Variants in FGF12 observed in about 807,000 individuals in gnomAD.
FGF12 encodes the protein fibroblast growth factor 12.
Under a neutral mutation model 23.6 loss-of-function variants are expected in FGF12, and 14 were observed. The ratio of observed to expected loss-of-function variants is 0.59; its 90% CI spans 0.39 to 0.93. FGF12 has a LOEUF of 0.93. FGF12 is among the 40% of genes least tolerant of loss of function. FGF12 has a pLI of 0.00. For missense variants in FGF12, 175 were observed against 217.8 expected, an observed-to-expected ratio of 0.80 and a Z score of 1.24; for synonymous variants, 62 against 77.3, an observed-to-expected ratio of 0.80 and a Z score of 1.04.
intron 2 of FGF12, among the ~76,000 whole-genome samples, chr3:192,682,347 C>T (rs112848972): frequency 9.2e-5 from 14 of 152,050 alleles, no homozygotes; most frequent in African/African-American, 1.4e-4. Flanking sequence ...TGAAAATTTC[C>T]GTCCGGGTCC....
At chr3:192,634,857 G>T (rs1715521326) in intron 2 of FGF12, among the ~76,000 whole-genome samples, 1 of 151,974 alleles carries the variant, frequency 6.6e-6, no homozygotes, top group Non-Finnish European at 1.5e-5. Context: ...ATAGGGATGA[G>T]AATAATTTTT....
At chr3:192,340,167 C>G (rs1437208546) in intron 3 of FGF12, among the ~76,000 whole-genome samples, 3 of 152,052 alleles carry the variant, frequency 2.0e-5, no homozygotes, top group Non-Finnish European at 4.4e-5. Flanking sequence ...CCTACATCTT[C>G]ACACTGAAAT....
intron 4 of FGF12, among the ~76,000 whole-genome samples, chr3:192,243,603 T>C (rs1719734326): frequency 6.6e-6 from 1 of 150,386 alleles, no homozygotes; most frequent in African/African-American, 2.4e-5. Context: ...TTTTAAACAA[T>C]AAATTTACTT....
intron 4 of FGF12, among the ~76,000 whole-genome samples, chr3:192,289,105 T>TTA (rs1226001738): frequency 6.6e-6 from 1 of 152,108 alleles, no homozygotes; most frequent in East Asian, 1.9e-4. Flanking sequence ...AACCTGAAGG[T>TTA]TATATTTTAA....
At chr3:192,424,867 C>G (rs1032574591) in intron 2 of FGF12, among the ~76,000 whole-genome samples, 5 of 152,066 alleles carry the variant, frequency 3.3e-5, no homozygotes, top group Non-Finnish European at 7.4e-5. Context: ...CTTCACCAGT[C>G]TTCTTGCCTC....
chr3:192,475,450 T>C (rs1325833092), intron 2 of FGF12, among the ~76,000 whole-genome samples: 3 of 152,170 alleles, frequency 2.0e-5, no homozygotes, highest in Non-Finnish European at 4.4e-5. Flanking sequence ...TGAGAGAGCA[T>C]GATGCACAAG....
intron 2 of FGF12, among the ~76,000 whole-genome samples, chr3:192,439,921 A>G (rs1214455287): frequency 6.6e-6 from 1 of 150,964 alleles, no homozygotes; most frequent in Non-Finnish European, 1.5e-5. Context: ...GGCTGCAGTG[A>G]GCTGAGATCG....
At chr3:192,690,584 T>C (rs1318832420) in intron 2 of FGF12, among the ~76,000 whole-genome samples, 28 of 28,472 alleles carry the variant, frequency 9.8e-4, no homozygotes, top group Non-Finnish European at 1.8e-3. Flanking sequence ...ACCACAACAC[T>C]ACAAAAAAAA....
chr3:192,539,578 G>A (rs1277498848), intron 2 of FGF12, among the ~76,000 whole-genome samples: 1 of 152,108 alleles, frequency 6.6e-6, no homozygotes, highest in East Asian at 1.9e-4. Context: ...TTGCATCAAT[G>A]TTCAACAGGG....
At chr3:192,573,269 C>A (rs13086596) in intron 2 of FGF12, among the ~76,000 whole-genome samples, 10,456 of 151,870 alleles carry the variant, frequency 0.069, 428 homozygotes, top group East Asian at 0.15. Flanking sequence ...AGTCAATATA[C>A]CTGTGATGGT....
At chr3:192,540,860 CT>C (rs1386500967) in intron 2 of FGF12, among the ~76,000 whole-genome samples, 1 of 152,084 alleles carries the variant, frequency 6.6e-6, no homozygotes, top group Non-Finnish European at 1.5e-5. Context: ...CATCATTTTG[CT>C]GAATTGATTT....
intron 4 of FGF12, among the ~76,000 whole-genome samples, chr3:192,187,381 A>G (rs1716530907): frequency 6.6e-6 from 1 of 152,204 alleles, no homozygotes; most frequent in African/African-American, 2.4e-5. Flanking sequence ...CAACTTCCAC[A>G]TATATTTTTA....
At chr3:192,505,190 A>G (rs1458638385) in intron 2 of FGF12, among the ~76,000 whole-genome samples, 2 of 152,154 alleles carry the variant, frequency 1.3e-5, no homozygotes, top group East Asian at 3.9e-4. Flanking sequence ...AAAAGAAACA[A>G]AAATGATTCA....
chr3:192,469,994 A>G (rs1723125026), intron 2 of FGF12, among the ~76,000 whole-genome samples: 1 of 152,206 alleles, frequency 6.6e-6, no homozygotes, highest in South Asian at 2.1e-4. Flanking sequence ...AACTGGATAT[A>G]AAGGGAAAGA....
chr3:192,458,357 C>T (rs1722744015), intron 2 of FGF12, among the ~76,000 whole-genome samples: 1 of 152,144 alleles, frequency 6.6e-6, no homozygotes, highest in African/African-American at 2.4e-5. Flanking sequence ...CAATGCCAGC[C>T]CATGAAAGCA....
At chr3:192,471,822 T>C (rs1476073823) in intron 2 of FGF12, among the ~76,000 whole-genome samples, 1 of 152,198 alleles carries the variant, frequency 6.6e-6, no homozygotes, top group Non-Finnish European at 1.5e-5. Flanking sequence ...TTCATATAGA[T>C]AGAATACAGT....
chr3:192,252,509 G>C (rs1167384533), intron 4 of FGF12, among the ~76,000 whole-genome samples: 8 of 106,320 alleles, frequency 7.5e-5, no homozygotes, highest in Non-Finnish European at 4.0e-5. Context: ...GAGAAGAGAA[G>C]ACAAGAGAAG....
chr3:192,367,890 G>A (rs777732097), intron 2 of FGF12, among the ~76,000 whole-genome samples: 1 of 152,108 alleles, frequency 6.6e-6, no homozygotes, highest in South Asian at 2.1e-4. Flanking sequence ...CAGCTACCTT[G>A]CTGAGGGCCG....
intron 2 of FGF12, among the ~76,000 whole-genome samples, chr3:192,509,398 T>G (rs576316905): frequency 1.3e-5 from 2 of 152,198 alleles, no homozygotes; most frequent in Admixed American, 6.5e-5. Context: ...GAGCATTTAT[T>G]TGCAGTTTCC....
Sources: gnomAD v4.1 joint callset for allele counts (sites outside exome capture counted in the v4.1 genomes callset) on GRCh38, gnomAD v4.1.1 for gene constraint, MANE v1.5 for transcripts, NCBI Gene and HGNC (gene_info 2026-07-23, HGNC 2026-07-21) for gene names.